PCDH7: variants seen among roughly 807,000 people sequenced by gnomAD.
PCDH7 encodes protocadherin 7.
A neutral mutation model predicts 58.9 loss-of-function variants in PCDH7; 17 were observed. That is an observed-to-expected ratio of 0.29 (90% confidence interval 0.20 to 0.43). The LOEUF is 0.43. PCDH7 is among the 20% of genes least tolerant of loss of function. The pLI is 1.00. For missense variants in PCDH7, 1,274 were observed against 1,441.0 expected (o/e 0.88, Z 1.88); for synonymous variants, 664 against 616.4 (o/e 1.08, Z -1.14).
At chr4:30,757,431 T>C (rs1329499740) in intron 1 of PCDH7, among the ~76,000 whole-genome samples, 1 of 152,206 alleles carries the variant, frequency 6.6e-6, no homozygotes. Flanking sequence ...ATCTGCATTT[T>C]CTGACTTTCC....
At chr4:31,061,053 A>G in intron 3 of PCDH7, among the ~76,000 whole-genome samples, 1 of 151,712 alleles carries the variant, frequency 6.6e-6, no homozygotes, top group East Asian at 1.9e-4. Flanking sequence ...ATTTCAAAAT[A>G]CAAACTTCTC....
intron 3 of PCDH7, among the ~76,000 whole-genome samples, chr4:30,978,881 A>G (rs1037620398): frequency 1.3e-5 from 2 of 152,184 alleles, no homozygotes; most frequent in East Asian, 1.9e-4. Flanking sequence ...AAATAAGGGG[A>G]TTATAATGAA....
At chr4:31,116,470 G>A (rs906532870) in intron 3 of PCDH7, among the ~76,000 whole-genome samples, 2 of 152,138 alleles carry the variant, frequency 1.3e-5, no homozygotes, top group Non-Finnish European at 2.9e-5. Flanking sequence ...TGAGGGAACC[G>A]AAGTAGACAA....
At chr4:30,858,454 T>G (rs1402870560) in intron 1 of PCDH7, among the ~76,000 whole-genome samples, 1 of 152,168 alleles carries the variant, frequency 6.6e-6, no homozygotes, top group African/African-American at 2.4e-5. Context: ...TTGTTTATTT[T>G]GTTTTGCTAG....
At chr4:30,919,655 A>G (rs1269904197) in intron 1 of PCDH7, among the ~76,000 whole-genome samples, 4 of 152,178 alleles carry the variant, frequency 2.6e-5, no homozygotes, top group Admixed American at 2.6e-4. Context: ...CTAAATTCCT[A>G]TTTGTCAGCT....
At chr4:31,093,391 A>T (rs1005726164) in intron 3 of PCDH7, among the ~76,000 whole-genome samples, 2 of 152,094 alleles carry the variant, frequency 1.3e-5, no homozygotes, top group African/African-American at 4.8e-5. Context: ...AGCATAATGA[A>T]ATTTGGTAGG....
chr4:31,121,024 G>A (rs1717628293), intron 3 of PCDH7, among the ~76,000 whole-genome samples: 1 of 152,096 alleles, frequency 6.6e-6, no homozygotes, highest in Non-Finnish European at 1.5e-5. Context: ...ACCTTTAGGT[G>A]GATAAATGCA....
downstream of PCDH7, among the ~76,000 whole-genome samples, chr4:30,737,867 A>G (rs1031494796): frequency 1.3e-5 from 2 of 152,220 alleles, no homozygotes; most frequent in African/African-American, 4.8e-5. Context: ...TCTACTCAGG[A>G]TGTTATGACA....
chr4:31,070,331 G>T (rs1308960041), intron 3 of PCDH7, among the ~76,000 whole-genome samples: 1 of 151,906 alleles, frequency 6.6e-6, no homozygotes, highest in Non-Finnish European at 1.5e-5. Flanking sequence ...TTATTTAGAC[G>T]GACATCTGAC....
intron 3 of PCDH7, among the ~76,000 whole-genome samples, chr4:30,952,794 G>A (rs2109449821): frequency 6.6e-6 from 1 of 152,098 alleles, no homozygotes; most frequent in Non-Finnish European, 1.5e-5. Flanking sequence ...GCAAGATACG[G>A]GCTTATGCAT....
intron 2 of PCDH7, among the ~76,000 whole-genome samples, chr4:30,924,637 G>C (rs1397007298): frequency 6.6e-6 from 1 of 152,164 alleles, no homozygotes; most frequent in East Asian, 1.9e-4. Context: ...TAGTAGGCCA[G>C]TGTGGGAGAC....
intron 1 of PCDH7, among the ~76,000 whole-genome samples, chr4:30,740,145 GT>G (rs2109247436): frequency 6.6e-6 from 1 of 152,314 alleles, no homozygotes; most frequent in South Asian, 2.1e-4. Flanking sequence ...GGTAAGGACA[GT>G]TGGGCTGCAG....
At chr4:30,945,512 C>T (rs1050382073) in intron 2 of PCDH7, among the ~76,000 whole-genome samples, 1 of 151,966 alleles carries the variant, frequency 6.6e-6, no homozygotes, top group Non-Finnish European at 1.5e-5. Context: ...ATATAGAATT[C>T]ATAATTATTC....
At chr4:31,014,669 T>A (rs1370844889) in intron 3 of PCDH7, among the ~76,000 whole-genome samples, 1 of 152,238 alleles carries the variant, frequency 6.6e-6, no homozygotes, top group Non-Finnish European at 1.5e-5. Context: ...TTACCCACGA[T>A]GTAGAGAAAG....
chr4:30,959,954 G>A (rs887455965), intron 3 of PCDH7, among the ~76,000 whole-genome samples: 5 of 152,048 alleles, frequency 3.3e-5, no homozygotes, highest in African/African-American at 9.7e-5. Flanking sequence ...ATTGCCATTT[G>A]TTAAATTTTG....
chr4:30,959,499 C>T (rs1748182695), intron 3 of PCDH7, among the ~76,000 whole-genome samples: 1 of 152,012 alleles, frequency 6.6e-6, no homozygotes, highest in South Asian at 2.1e-4. Flanking sequence ...AAAAGTAAAA[C>T]ATGAACTATT....
intron 3 of PCDH7, among the ~76,000 whole-genome samples, chr4:30,986,357 T>A (rs1284497815): frequency 1.3e-5 from 2 of 152,158 alleles, no homozygotes; most frequent in African/African-American, 4.8e-5. Context: ...AGAATAATTA[T>A]TTCCCATGAA....
intron 3 of PCDH7, among the ~76,000 whole-genome samples, chr4:31,008,555 A>G (rs900118618): frequency 1.3e-5 from 2 of 152,144 alleles, no homozygotes; most frequent in Admixed American, 1.3e-4. Flanking sequence ...TTAAATGAAT[A>G]TTAGTGTTTC....
chr4:30,812,863 A>G (rs1727196512), intron 1 of PCDH7, among the ~76,000 whole-genome samples: 1 of 152,248 alleles, frequency 6.6e-6, no homozygotes, highest in South Asian at 2.1e-4. Context: ...TTTTCAGCTA[A>G]GTAAACATGC....
Sources: gnomAD v4.1 joint callset for allele counts (sites outside exome capture counted in the v4.1 genomes callset) on GRCh38, gnomAD v4.1.1 for gene constraint, MANE v1.5 for transcripts, NCBI Gene and HGNC (gene_info 2026-07-23, HGNC 2026-07-21) for gene names.